The following DGKH variants were observed in gnomAD, a reference collection of about 807,000 sequenced individuals.
DGKH encodes the protein DAG kinase eta.
DGKH carries 90 observed loss-of-function variants against 159.3 expected under a neutral mutation model. That is an observed-to-expected ratio of 0.57 (90% CI 0.48 to 0.67). The LOEUF (loss-of-function observed/expected upper bound fraction) is 0.67. Ranked by LOEUF, DGKH falls within the 30% of genes least tolerant of loss-of-function variation. The probability of loss-of-function intolerance (pLI) is 0.00; values close to 1 mark genes in which losing one functional copy is unlikely to be tolerated. For synonymous variants in DGKH, 536 were observed against 553.8 expected, an observed-to-expected ratio of 0.97 and a Z score of 0.45; for missense variants, 1,181 against 1,506.1, an observed-to-expected ratio of 0.78 and a Z score of 3.57.
rs1233735111 is a variant in DGKH at position 42,048,877 on chromosome 13, G to A, written c.104G>A (p.Gly35Glu). ...TCCGCCGCTGCCTCGGCGGGGCCGG[G>A]AGAGGATTCGTCTGACAGCGAAGCG... The part of the protein sequence containing the change: ...VTSAAASAGP[G>E]EDSSDSEAEQ... Residue 35 changes from glycine (G) to glutamate (E), a missense_variant, in exon 1 of 30, where the codon GGA (glycine) becomes GAA (glutamate). Gly to Glu is a moderately conservative substitution (Grantham distance 98). Coordinates refer to ENST00000337343, the MANE Select transcript of DGKH (RefSeq NM_178009.5). The surrounding 1 kb of genome is among the most constrained non-coding windows in gnomAD (Gnocchi z 6.7). 2.2e-6 allele frequency: 3 copies of A among 1,377,912 alleles called. No homozygotes were observed. 85.4% of individuals were successfully genotyped at this position (1,377,912 alleles called of 1,614,324 possible).
intron 15 of DGKH, 102 bp from the exon 16 acceptor site, chr13:42,190,301 T>G (rs1348117722): frequency 1.4e-6 from 2 of 1,382,444 alleles, no homozygotes; most frequent in African/African-American, 3.0e-5. Context: ...AATCTGGAAT[T>G]TTGTTTGGCA....
At chr13:42,184,001 A>G (rs1956841741) in intron 13 of DGKH, among the ~76,000 whole-genome samples, 1 of 152,198 alleles carries the variant, frequency 6.6e-6, no homozygotes, top group Admixed American at 6.5e-5. Flanking sequence ...GCTAGCAGGA[A>G]TATTGACGCC....
intron 1 of DGKH, among the ~76,000 whole-genome samples, chr13:42,105,425 A>C (rs1954732017): frequency 6.6e-6 from 1 of 152,196 alleles, no homozygotes; most frequent in Non-Finnish European, 1.5e-5. Flanking sequence ...CTGGGGATCA[A>C]GTTTTCAACA....
At chr13:42,120,086 G>A (rs9594677) in intron 1 of DGKH, among the ~76,000 whole-genome samples, 20,487 of 152,206 alleles carry the variant, frequency 0.13, 1,576 homozygotes, top group South Asian at 0.18. Flanking sequence ...AAACTGGATA[G>A]GACATTAAAG....
At chr13:42,097,632 C>T (rs994670200) in intron 1 of DGKH, among the ~76,000 whole-genome samples, 1 of 152,274 alleles carries the variant, frequency 6.6e-6, no homozygotes, top group Admixed American at 6.5e-5. Context: ...GTGTAACCCT[C>T]CTGTTTTCAA....
rs138689639 is a variant in DGKH at position 42,144,018 on chromosome 13, A to T, written c.385-11273A>T. 1.5e-3 allele frequency among the ~76,000 whole-genome samples: 225 copies of T among 152,332 alleles called. 1 individual carries two copies. The highest frequency in any genetic ancestry group is 5.1e-3 in the African/African-American group (213 of 41,572). ...GAAATAACTAAAAAAAATTATTTTA[A>T]TTCCCACTATAAATATCTGGATATT... is the stretch of plus-strand genomic sequence containing the variant. On this transcript the variant is annotated intron_variant, in intron 3 of 29. Transcript: ENST00000337343.
At chr13:42,147,481 C>A (rs577905154) in intron 3 of DGKH, among the ~76,000 whole-genome samples, 3 of 151,972 alleles carry the variant, frequency 2.0e-5, no homozygotes, top group Non-Finnish European at 4.4e-5. Flanking sequence ...TTGTGGTGAC[C>A]AATACAAAAC....
chr13:42,078,572 T>C (rs1954141283), intron 1 of DGKH, among the ~76,000 whole-genome samples: 3 of 152,114 alleles, frequency 2.0e-5, no homozygotes, highest in African/African-American at 7.2e-5. Flanking sequence ...GAAATGGAGT[T>C]TTTAGCTTTC....
intron 13 of DGKH, 129 bp downstream of exon 13, chr13:42,178,349 GTAC>G: frequency 1.6e-6 from 1 of 634,242 alleles, no homozygotes. Flanking sequence ...AAAATTAGAT[GTAC>G]TAAATTTGAA....
At chr13:42,252,002 G>A (rs1958623932) in intron 29 of DGKH, among the ~76,000 whole-genome samples, 1 of 152,188 alleles carries the variant, frequency 6.6e-6, no homozygotes, top group Non-Finnish European at 1.5e-5. Context: ...GAATGGGTGA[G>A]GAGAGTATTT....
downstream of DGKH, among the ~76,000 whole-genome samples, chr13:42,246,687 G>T (rs1328081263): frequency 6.6e-6 from 1 of 152,078 alleles, no homozygotes; most frequent in African/African-American, 2.4e-5. Context: ...CAAGAATACA[G>T]TGAGTCAGGT....
At chr13:42,213,465 G>A (rs1957713056) in intron 24 of DGKH, among the ~76,000 whole-genome samples, 1 of 152,126 alleles carries the variant, frequency 6.6e-6, no homozygotes, top group Admixed American at 6.5e-5. Context: ...TTGATCTGAA[G>A]TTGATTTATG....
At chr13:42,121,526 A>G (rs775240988) in intron 1 of DGKH, among the ~76,000 whole-genome samples, 21 of 152,230 alleles carry the variant, frequency 1.4e-4, no homozygotes, top group Non-Finnish European at 2.8e-4. Context: ...GACAAATGAG[A>G]TAGACCTCCC....
At chr13:42,089,253 C>G (rs1434124403) in intron 1 of DGKH, among the ~76,000 whole-genome samples, 1 of 152,188 alleles carries the variant, frequency 6.6e-6, no homozygotes, top group Non-Finnish European at 1.5e-5. Context: ...CATTAACTAA[C>G]TTGACCTAAT....
Position 42,189,069 on chromosome 13 carries a change from C to T in DGKH, c.1672C>T (p.Leu558=). Reference sequence around the variant, plus strand: ...CCTAAACGAGAAGCTCGAACAACTGCTGCAGGCTTTGCACACAGATTCCCA... The same window carrying T: ...CCTAAACGAGAAGCTCGAACAACTGTTGCAGGCTTTGCACACAGATTCCCA... ...SVLNEKLEQL[L]QALHTDSQAA... is the part of the protein sequence containing the mutation. The change falls in exon 15 of 30, where the codon CTG becomes TTG. Residue 558 remains leucine (L), a synonymous_variant. Transcript: ENST00000337343. 6.2e-7 allele frequency: 1 copy of T among 1,614,254 alleles called. No homozygotes were observed. The highest frequency in any genetic ancestry group is 1.1e-5 in the South Asian group (1 of 91,088).
Position 42,159,334 on chromosome 13 carries a change from G to A in DGKH, c.691G>A (p.Ala231Thr), listed in dbSNP as rs769518173. The change falls in exon 6 of 30, where the codon GCC (alanine) becomes ACC (threonine). Residue 231 changes from alanine to threonine, a missense_variant. By Grantham distance (58) the Ala-to-Thr change is moderately conservative (BLOSUM62 0). Transcript: ENST00000337343. ...ATNNCKWTTLASIGKDIIEDE... is the reference protein window; with the variant it reads ...ATNNCKWTTLTSIGKDIIEDE... ...AAATAACTGTAAATGGACTACCCTGGCCTCCATCGGGAAGGACATTATAGA... is the reference window on the plus strand; with the variant it reads ...AAATAACTGTAAATGGACTACCCTGACCTCCATCGGGAAGGACATTATAGA... 6.4e-7 allele frequency: 1 copy of A among 1,567,382 alleles called. No individual in the cohort carries two copies. The highest frequency in any genetic ancestry group is 1.8e-5 in the Admixed American group (1 of 56,802).
chr13:42,109,628 C>T (rs1483961060), intron 1 of DGKH, among the ~76,000 whole-genome samples: 2 of 151,948 alleles, frequency 1.3e-5, no homozygotes, highest in Non-Finnish European at 2.9e-5. Context: ...AGTAGAGAAC[C>T]CATGTGCAGC....
chr13:42,235,552 A>G lies in DGKH; in HGVS notation c.*6364A>G, dbSNP rs1384424143. ...TACAAACTAAAAAAGGAAAAAGAAT[A>G]TATTTTGTGGTCCTTAATGTTTGAT... On this transcript the variant is annotated 3_prime_UTR_variant, in exon 30 of 30. Transcript: ENST00000337343. 1 of 152,176 alleles carries G rather than the reference A, an allele frequency of 6.6e-6. No individual in the cohort carries two copies. The highest frequency in any genetic ancestry group is 1.5e-5 in the Non-Finnish European group (1 of 67,994). 9.4% of individuals were successfully genotyped at this position (152,176 alleles called of 1,614,324 possible).
At position 42,178,223 on chromosome 13, in the gene DGKH, G is replaced by T; in HGVS notation, c.1538+3G>T. On this transcript the variant is annotated splice_donor_region_variant and intron_variant, in intron 13 of 29. Transcript: ENST00000337343. Reference sequence around the variant, plus strand: ...GCAGTGGTCATATCTTCTGCCAAGTGAGTTGTGGGTTTTAAGTCTTTAAAT... The same window carrying T: ...GCAGTGGTCATATCTTCTGCCAAGTTAGTTGTGGGTTTTAAGTCTTTAAAT... 6.3e-7 allele frequency: 1 copy of T among 1,587,080 alleles called. No homozygotes were observed. The highest frequency in any genetic ancestry group is 8.6e-7 in the Non-Finnish European group (1 of 1,162,580).
Sources: gnomAD v4.1 joint callset for allele counts (sites outside exome capture counted in the v4.1 genomes callset) on GRCh38, gnomAD v4.1.1 for gene constraint, Gnocchi (gnomAD v3.1) non-coding constraint, MANE v1.5 for transcripts, NCBI Gene and HGNC (gene_info 2026-07-23, HGNC 2026-07-21) for gene names.